ROR2: variants seen among roughly 807,000 people sequenced by gnomAD.
The protein encoded by ROR2 is tyrosine-protein kinase transmembrane receptor ROR2.
A neutral mutation model predicts 74.9 loss-of-function variants in ROR2; 33 were observed. The ratio of observed to expected loss-of-function variants is 0.44; its 90% CI spans 0.33 to 0.59. The LOEUF (loss-of-function observed/expected upper bound fraction) is 0.59, where lower values mean the gene tolerates loss of function less well. ROR2 is among the 20% of genes least tolerant of loss of function. The pLI, the probability that ROR2 is intolerant of heterozygous loss-of-function variation, is 0.02. For missense variants in ROR2, 1,216 were observed against 1,313.8 expected, an observed-to-expected ratio of 0.93 and a Z score of 1.15; for synonymous variants, 586 against 558.7, an observed-to-expected ratio of 1.05 and a Z score of -0.69.
intron 1 of ROR2, among the ~76,000 whole-genome samples, chr9:91,911,945 A>AC (rs1030357585): frequency 1.3e-5 from 2 of 151,620 alleles, no homozygotes; most frequent in African/African-American, 2.4e-5. Flanking sequence ...AAAAAAAAAA[A>AC]AAAAAAAAAC....
At chr9:91,736,597 T>A (rs1408183310) in intron 5 of ROR2, among the ~76,000 whole-genome samples, 1 of 152,120 alleles carries the variant, frequency 6.6e-6, no homozygotes, top group African/African-American at 2.4e-5. Context: ...AGAGAAAATG[T>A]GTATGTGTTT....
At chr9:91,727,978 G>C (rs559842818) in intron 7 of ROR2, among the ~76,000 whole-genome samples, 1 of 152,124 alleles carries the variant, frequency 6.6e-6, no homozygotes, top group African/African-American at 2.4e-5. Context: ...CCTCTGAAAG[G>C]GTTCTGAGGC....
intron 1 of ROR2, among the ~76,000 whole-genome samples, chr9:91,946,156 T>G (rs931762764): frequency 5.3e-5 from 8 of 152,344 alleles, no homozygotes; most frequent in African/African-American, 1.4e-4. Flanking sequence ...CTATTGGCCA[T>G]GCAGCTGGGG....
In ROR2 at chr9:91,744,213, C is replaced by CTTTTTTTTT. The variant is rs1167780367; in HGVS notation, c.495-6704_495-6696dup. Among the ~76,000 whole-genome samples, 33 of 89,078 alleles carry CTTTTTTTTT rather than the reference C, an allele frequency of 3.7e-4. 2 individuals are homozygous for CTTTTTTTTT. The highest frequency in any genetic ancestry group is 4.7e-4 in the Non-Finnish European group (24 of 50,684). 58.4% of individuals were successfully genotyped at this position (89,078 alleles called of 152,430 possible). A position where few individuals can be genotyped will look rare whatever the true frequency, so the allele number is the denominator to read the frequency against. On this transcript the variant is annotated intron_variant, in intron 4 of 8. Coordinates refer to ENST00000375708, the MANE Select transcript of ROR2 (RefSeq NM_004560.4). The stretch of plus-strand genomic sequence containing the variant: ...TTGACCCTCCACAGAAATTTGTTAA[C>CTTTTTTTTT]TTTTTTTTTTTTTTTTTTTTTTTTG...
chr9:91,858,368 C>A (rs1441410787), intron 1 of ROR2, among the ~76,000 whole-genome samples: 1 of 152,142 alleles, frequency 6.6e-6, no homozygotes, highest in African/African-American at 2.4e-5. Context: ...CACACACGAA[C>A]GCACAAACAC....
intron 1 of ROR2, among the ~76,000 whole-genome samples, chr9:91,912,397 AAAG>A (rs1156288097): frequency 1.3e-5 from 2 of 152,200 alleles, no homozygotes; most frequent in Non-Finnish European, 2.9e-5. Context: ...TTTCCCACAA[AAAG>A]AAGTGTTTGA....
At chr9:91,840,161 T>C (rs1828738290) in intron 1 of ROR2, among the ~76,000 whole-genome samples, 1 of 152,198 alleles carries the variant, frequency 6.6e-6, no homozygotes, top group Middle Eastern at 3.4e-3. Flanking sequence ...GGAGGCACAT[T>C]GGGAGTGGGT....
intron 1 of ROR2, among the ~76,000 whole-genome samples, chr9:91,804,129 C>T (rs931973054): frequency 6.6e-6 from 1 of 152,196 alleles, no homozygotes; most frequent in Non-Finnish European, 1.5e-5. Flanking sequence ...ATCATCCACC[C>T]TTCAAAGCTG....
At chr9:91,922,851 T>TA (rs1831307791) in intron 1 of ROR2, among the ~76,000 whole-genome samples, 1 of 152,092 alleles carries the variant, frequency 6.6e-6, no homozygotes, top group Non-Finnish European at 1.5e-5. Context: ...GCTGCATAGC[T>TA]GCTGCATCCA....
chr9:91,774,279 G>T (rs1376640296), intron 2 of ROR2, among the ~76,000 whole-genome samples: 1 of 152,082 alleles, frequency 6.6e-6, no homozygotes, highest in African/African-American at 2.4e-5. Flanking sequence ...CTGCATGCTG[G>T]GCAGAGCTCC....
intron 1 of ROR2, among the ~76,000 whole-genome samples, chr9:91,881,264 C>G (rs58202197): frequency 0.33 from 50,117 of 152,040 alleles, 8,746 homozygotes; most frequent in East Asian, 0.49. Flanking sequence ...ATTATAAAAA[C>G]ACCAAGTAGG....
chr9:91,822,838 T>A (rs1023268173), intron 1 of ROR2, among the ~76,000 whole-genome samples: 2 of 152,190 alleles, frequency 1.3e-5, no homozygotes, highest in African/African-American at 2.4e-5. Context: ...CTACGTGTGA[T>A]GCAGCCAGAC....
intron 6 of ROR2, among the ~76,000 whole-genome samples, chr9:91,732,213 G>C (rs1837267459): frequency 6.6e-6 from 1 of 152,184 alleles, no homozygotes; most frequent in Admixed American, 6.5e-5. Flanking sequence ...CACTCCTCAG[G>C]GAGGCAACAA....
intron 2 of ROR2, among the ~76,000 whole-genome samples, chr9:91,761,607 C>T (rs1255093454): frequency 6.6e-6 from 1 of 152,176 alleles, no homozygotes; most frequent in Non-Finnish European, 1.5e-5. Context: ...GCTGTAAATA[C>T]AGATGAAGCT....
rs534095341 is a variant in ROR2 at position 91,807,823 on chromosome 9, G to T, written c.98-32005C>A. ...AGAGTTTTTCCAGAACAGGCCTGTTGGGGAAGTCAGTGAGATCACTGTACA... is the reference window on the plus strand; with the variant it reads ...AGAGTTTTTCCAGAACAGGCCTGTTTGGGAAGTCAGTGAGATCACTGTACA... On this transcript the variant is annotated intron_variant, in intron 1 of 8. Coordinates refer to ENST00000375708, the MANE Select transcript of ROR2 (RefSeq NM_004560.4). Among the ~76,000 whole-genome samples, 43 of 152,188 alleles carry T rather than the reference G, an allele frequency of 2.8e-4. No homozygotes were observed. The South Asian group carries it at 3.7e-3, about 13-fold the overall frequency.
At chr9:91,929,180 A>G (rs780441316) in intron 1 of ROR2, among the ~76,000 whole-genome samples, 1 of 152,238 alleles carries the variant, frequency 6.6e-6, no homozygotes, top group Non-Finnish European at 1.5e-5. Context: ...CTATGATCAA[A>G]TATGTTTGAG....
chr9:91,738,115 T>TAA (rs1407010295), intron 4 of ROR2, among the ~76,000 whole-genome samples: 1 of 152,032 alleles, frequency 6.6e-6, no homozygotes, highest in Non-Finnish European at 1.5e-5. Context: ...CCATAGAAGG[T>TAA]AAAACATAAA....
intron 1 of ROR2, among the ~76,000 whole-genome samples, chr9:91,896,336 C>G (rs755512959): frequency 1.1e-4 from 17 of 152,188 alleles, no homozygotes; most frequent in Non-Finnish European, 1.8e-4. Flanking sequence ...CCCGCTTCCC[C>G]ACAATGCTGT....
chr9:91,854,070 C>T (rs1829198637), intron 1 of ROR2, among the ~76,000 whole-genome samples: 1 of 152,168 alleles, frequency 6.6e-6, no homozygotes, highest in South Asian at 2.1e-4. Context: ...TGAGTAGGTT[C>T]CTGCTATGGG....
Sources: allele counts gnomAD v4.1 joint callset (sites outside exome capture counted in the v4.1 genomes callset), GRCh38; gene constraint gnomAD v4.1.1; transcripts MANE v1.5; gene names NCBI Gene and HGNC (gene_info 2026-07-23, HGNC 2026-07-21).